DLGAP1: variants seen among roughly 807,000 people sequenced by gnomAD.
DLGAP1 encodes the protein disks large-associated protein 1.
A neutral mutation model predicts 90.8 loss-of-function variants in DLGAP1; 11 were observed. The observed-to-expected ratio is 0.12, with a 90% CI of 0.08 to 0.20. The LOEUF is 0.20. Among genes scored for constraint, DLGAP1 ranks in the 10% least tolerant of loss-of-function variants. DLGAP1 has a pLI of 1.00. For missense variants in DLGAP1, 1,050 were observed against 1,333.8 expected (o/e 0.79, Z 3.31); for synonymous variants, 558 against 540.7 (o/e 1.03, Z -0.44).
At chr18:3,854,370 T>C (rs111256242) in intron 4 of DLGAP1, among the ~76,000 whole-genome samples, 3 of 132,322 alleles carry the variant, frequency 2.3e-5, no homozygotes, top group East Asian at 2.2e-4. Flanking sequence ...CATACATTGG[T>C]GGGGGAAATA....
At chr18:4,202,609 G>C (rs1280198109) in intron 1 of DLGAP1, among the ~76,000 whole-genome samples, 1 of 151,592 alleles carries the variant, frequency 6.6e-6, no homozygotes, top group African/African-American at 2.4e-5. Context: ...ACATTTAAAA[G>C]AAAAAAATCA....
chr18:3,683,494 T>C (rs536610468), intron 7 of DLGAP1, among the ~76,000 whole-genome samples: 1 of 152,316 alleles, frequency 6.6e-6, no homozygotes, highest in East Asian at 1.9e-4. Flanking sequence ...AAACTTTTTT[T>C]TTAAAATCTC....
In DLGAP1 at chr18:3,775,033, C is replaced by T. The variant is rs1047181609; in HGVS notation, c.1173-32521G>A. On this transcript the variant is annotated intron_variant, in intron 5 of 12. Coordinates refer to ENST00000315677, the MANE Select transcript of DLGAP1 (RefSeq NM_004746.4). The surrounding 1 kb of genome is among the most constrained non-coding windows in gnomAD (Gnocchi z 4.9). ...CCAGGTAAAGAAAGTCTCATCTGGA[C>T]GGACTTTTTTCACAAACCACTGTCG... Among the ~76,000 whole-genome samples the T allele has an allele frequency of 7.9e-5, 12 of 152,166 alleles. No homozygotes were observed. Among genetic ancestry groups the T allele is most frequent in the South Asian group, 2.1e-4 (1 of 4,830 alleles).
At chr18:3,749,444 C>T (rs1193894112) in intron 5 of DLGAP1, among the ~76,000 whole-genome samples, 4 of 152,092 alleles carry the variant, frequency 2.6e-5, no homozygotes, top group Admixed American at 6.5e-5. Context: ...TGAGCCACTG[C>T]GCCCGGCCAA....
chr18:3,801,923 T>C (rs2066313654), intron 5 of DLGAP1, among the ~76,000 whole-genome samples: 1 of 152,150 alleles, frequency 6.6e-6, no homozygotes, highest in Non-Finnish European at 1.5e-5. Context: ...AAAATCTCTC[T>C]TGTAATTGGC....
intron 3 of DLGAP1, among the ~76,000 whole-genome samples, chr18:3,958,628 A>G (rs1380945417): frequency 2.6e-5 from 4 of 151,688 alleles, no homozygotes; most frequent in Non-Finnish European, 5.9e-5. Flanking sequence ...TTTACAAAAA[A>G]AAAAAAAAAA....
chr18:3,523,901 A>C (rs1055164482), intron 10 of DLGAP1, among the ~76,000 whole-genome samples: 2 of 152,136 alleles, frequency 1.3e-5, no homozygotes, highest in African/African-American at 4.8e-5. Flanking sequence ...GAACAAGACA[A>C]AACAAAAACA....
intron 1 of DLGAP1, among the ~76,000 whole-genome samples, chr18:4,266,127 G>A (rs1952256542): frequency 6.6e-6 from 1 of 152,140 alleles, no homozygotes; most frequent in African/African-American, 2.4e-5. Flanking sequence ...TGACCATGGA[G>A]TTACTTTTCA....
At chr18:4,257,285 A>T (rs1220505617) in intron 1 of DLGAP1, among the ~76,000 whole-genome samples, 2 of 152,172 alleles carry the variant, frequency 1.3e-5, no homozygotes, top group Non-Finnish European at 2.9e-5. Context: ...ACATGGTAAA[A>T]TTTAGAGGCT....
At chr18:3,676,113 C>T (rs982081211) in intron 7 of DLGAP1, among the ~76,000 whole-genome samples, 5 of 152,202 alleles carry the variant, frequency 3.3e-5, no homozygotes, top group African/African-American at 9.6e-5. Context: ...ACATAGATGC[C>T]GGCAGTTGTG....
At chr18:4,371,872 G>A (rs1197760391) in intron 1 of DLGAP1, among the ~76,000 whole-genome samples, 2 of 152,276 alleles carry the variant, frequency 1.3e-5, no homozygotes, top group African/African-American at 4.8e-5. Context: ...TCAAGGTGTT[G>A]CTGTTTCAAT....
At chr18:4,033,490 C>G (rs759463240) in intron 2 of DLGAP1, among the ~76,000 whole-genome samples, 1 of 152,040 alleles carries the variant, frequency 6.6e-6, no homozygotes, top group Non-Finnish European at 1.5e-5. Context: ...TCTTTGTATC[C>G]TAGGCCAGAT....
intron 5 of DLGAP1, among the ~76,000 whole-genome samples, chr18:3,755,213 T>C (rs1050844487): frequency 2.0e-5 from 3 of 151,742 alleles, no homozygotes; most frequent in African/African-American, 7.3e-5. Flanking sequence ...AAAGCAATAA[T>C]GGAGGAACAG....
At chr18:3,866,084 A>T (rs567152560) in intron 4 of DLGAP1, among the ~76,000 whole-genome samples, 1 of 152,204 alleles carries the variant, frequency 6.6e-6, no homozygotes. Flanking sequence ...TGAAGGTAAC[A>T]TAAGAATTTG....
intron 10 of DLGAP1, among the ~76,000 whole-genome samples, chr18:3,512,537 T>C (rs2050603141): frequency 6.6e-6 from 1 of 152,226 alleles, no homozygotes; most frequent in Non-Finnish European, 1.5e-5. Context: ...AGGCCTGGGT[T>C]AGTGAATCAC....
chr18:3,767,478 T>G (rs1394648786), intron 5 of DLGAP1, among the ~76,000 whole-genome samples: 2 of 151,974 alleles, frequency 1.3e-5, no homozygotes, highest in African/African-American at 4.8e-5. Context: ...ACCTCATGAA[T>G]AAAGACACAA....
At chr18:3,537,223 A>G (rs575073246) in intron 9 of DLGAP1, among the ~76,000 whole-genome samples, 7 of 152,214 alleles carry the variant, frequency 4.6e-5, no homozygotes, top group African/African-American at 1.7e-4. Context: ...ATCTTTTCCA[A>G]CTGAAACTGT....
chr18:4,194,494 T>G (rs1598593671), intron 1 of DLGAP1, among the ~76,000 whole-genome samples: 1 of 152,200 alleles, frequency 6.6e-6, no homozygotes, highest in African/African-American at 2.4e-5. Flanking sequence ...GTTCAGAACT[T>G]ACATCAATAA....
intron 5 of DLGAP1, among the ~76,000 whole-genome samples, chr18:3,783,424 A>C (rs1222118401): frequency 6.6e-6 from 1 of 151,164 alleles, no homozygotes. Flanking sequence ...TGGATGAATA[A>C]ATAAAATGTG....
Sources: allele counts gnomAD v4.1 joint callset (sites outside exome capture counted in the v4.1 genomes callset), GRCh38; gene constraint gnomAD v4.1.1; non-coding constraint Gnocchi (gnomAD v3.1); transcripts MANE v1.5; gene names NCBI Gene and HGNC (gene_info 2026-07-23, HGNC 2026-07-21).